The following AGTPBP1 variants were observed in gnomAD, a reference collection of about 807,000 sequenced individuals.
AGTPBP1 encodes the protein ATP/GTP binding carboxypeptidase 1.
A neutral mutation model predicts 143.9 loss-of-function variants in AGTPBP1; 70 were observed. That is an observed-to-expected ratio of 0.49 (90% CI 0.40 to 0.59). The LOEUF is 0.59. Ranked by LOEUF, AGTPBP1 falls within the 20% of genes least tolerant of loss-of-function variation. The pLI, the probability that AGTPBP1 is intolerant of heterozygous loss-of-function variation, is 0.00. For synonymous variants in AGTPBP1, 463 were observed against 500.2 expected, an observed-to-expected ratio of 0.93 and a Z score of 0.99; for missense variants, 1,229 against 1,464.5, an observed-to-expected ratio of 0.84 and a Z score of 2.62.
intron 17 of AGTPBP1, among the ~76,000 whole-genome samples, chr9:85,617,572 T>C (rs962559913): frequency 2.6e-5 from 4 of 152,134 alleles, no homozygotes; most frequent in South Asian, 2.1e-4. Flanking sequence ...CACAAAAACA[T>C]TGAATGAGCC....
At chr9:85,651,774 G>A (rs1833177058) in intron 11 of AGTPBP1, among the ~76,000 whole-genome samples, 1 of 152,172 alleles carries the variant, frequency 6.6e-6, no homozygotes, top group Non-Finnish European at 1.5e-5. Context: ...CTCCATAGAT[G>A]CAGCATTTAA....
At chr9:85,732,268 G>A (rs1355407921) in intron 1 of AGTPBP1, among the ~76,000 whole-genome samples, 5 of 139,530 alleles carry the variant, frequency 3.6e-5, no homozygotes, top group African/African-American at 8.2e-5. Context: ...AGGCTGGAGT[G>A]CAGCGGCGTG....
intron 2 of AGTPBP1, among the ~76,000 whole-genome samples, chr9:85,697,546 G>A (rs1165158515): frequency 4.2e-4 from 56 of 132,310 alleles, no homozygotes; most frequent in Admixed American, 1.7e-3. Flanking sequence ...TCCGCCTCCC[G>A]GGTTCACGCC....
intron 11 of AGTPBP1, among the ~76,000 whole-genome samples, chr9:85,647,788 T>G (rs1832909427): frequency 6.6e-6 from 1 of 152,082 alleles, no homozygotes; most frequent in South Asian, 2.1e-4. Flanking sequence ...AATAAGGAAG[T>G]GAAATGATAT....
the AGTPBP1 span, among the ~76,000 whole-genome samples, chr9:85,748,143 A>G: frequency 6.6e-6 from 1 of 152,088 alleles, no homozygotes; most frequent in African/African-American, 2.4e-5. Flanking sequence ...CACCCACTTC[A>G]CAGCTCTTGA....
At position 85,604,002 on chromosome 9, in the gene AGTPBP1, G is replaced by A. The variant is rs371697471; in HGVS notation, c.2336-7553C>T. On this transcript the variant is annotated intron_variant, in intron 17 of 25. Coordinates refer to ENST00000357081, the MANE Select transcript of AGTPBP1 (RefSeq NM_001330701.2). ...CACCAAGTAGATTCCTAACATTCCC[G>A]ACTCTAGGCCCTGAATGCTGTACAG... is the stretch of plus-strand genomic sequence containing the variant. 3.3e-4 allele frequency among the ~76,000 whole-genome samples: 50 copies of A among 152,320 alleles called. 1 individual carries two copies. The highest frequency in any genetic ancestry group is 9.4e-4 in the African/African-American group (39 of 41,574).
chr9:85,728,320 A>G (rs1838656095), intron 1 of AGTPBP1, among the ~76,000 whole-genome samples: 1 of 152,136 alleles, frequency 6.6e-6, no homozygotes, highest in Non-Finnish European at 1.5e-5. Context: ...TCAGGCTGAG[A>G]ACTTAACTTT....
chr9:85,577,353 G>C (rs144920935), intron 24 of AGTPBP1, among the ~76,000 whole-genome samples: 1 of 152,058 alleles, frequency 6.6e-6, no homozygotes, highest in Non-Finnish European at 1.5e-5. Flanking sequence ...ATAGTCCAAG[G>C]TTTTTTCCTA....
At chr9:85,651,192 C>G (rs1833142096) in intron 11 of AGTPBP1, among the ~76,000 whole-genome samples, 1 of 152,070 alleles carries the variant, frequency 6.6e-6, no homozygotes, top group Admixed American at 6.6e-5. Context: ...AATTTCCTTG[C>G]TTTTACACAG....
intron 2 of AGTPBP1, among the ~76,000 whole-genome samples, chr9:85,694,352 T>C (rs796164873): frequency 1.1e-4 from 16 of 152,242 alleles, no homozygotes; most frequent in African/African-American, 3.9e-4. Context: ...AAGTATGATC[T>C]AGGAGCTCCT....
intron 17 of AGTPBP1, among the ~76,000 whole-genome samples, chr9:85,615,071 C>T (rs183851612): frequency 1.8e-3 from 274 of 152,224 alleles, no homozygotes; most frequent in Non-Finnish European, 2.8e-3. Context: ...CACTTTAAAA[C>T]TCTTTGGAGA....
chr9:85,591,905 C>T (rs1002922418), intron 19 of AGTPBP1, among the ~76,000 whole-genome samples: 2 of 152,140 alleles, frequency 1.3e-5, no homozygotes, highest in East Asian at 3.9e-4. Context: ...AATAAATCTA[C>T]CACAGTCGAT....
chr9:85,670,140 T>A (rs548370576), intron 7 of AGTPBP1, among the ~76,000 whole-genome samples: 9 of 152,270 alleles, frequency 5.9e-5, no homozygotes, highest in Non-Finnish European at 1.2e-4. Context: ...GGGGTAGATG[T>A]GGCTCTGGAC....
chr9:85,566,298 C>T lies in AGTPBP1; in HGVS notation c.3503+9017G>A, dbSNP rs565912546. On this transcript the variant is annotated intron_variant, in intron 25 of 25. Transcript: ENST00000357081. The stretch of plus-strand genomic sequence containing the variant: ...AGTTTGGGAGGCCGAGATGGGAAGA[C>T]TGCTCGAGCCCAGGAGTTCAAAACC... Among the ~76,000 whole-genome samples, 8 of 152,094 alleles carry T rather than the reference C, an allele frequency of 5.3e-5. No individual in the cohort carries two copies. In the South Asian group the frequency reaches 1.7e-3, roughly 32 times the overall value.
chr9:85,565,656 T>C (rs1215670068), intron 25 of AGTPBP1, among the ~76,000 whole-genome samples: 5 of 152,174 alleles, frequency 3.3e-5, no homozygotes, highest in African/African-American at 1.2e-4. Context: ...CACTTGGAAA[T>C]GTGTCTTCCC....
In AGTPBP1 at chr9:85,589,473, G is replaced by T. The variant is rs1476676386; in HGVS notation, c.2722+55C>A. 2.6e-6 allele frequency: 4 copies of T among 1,542,730 alleles called. No individual in the cohort carries two copies. The South Asian group carries it at 5.1e-5, about 20-fold the overall frequency. ...ATTTCCATTATAAAATACGGTTAAA[G>T]CAAATCAAAGTAGGTGAGAATGACT... is the stretch of plus-strand genomic sequence containing the variant. On this transcript the variant is annotated intron_variant, in intron 20 of 25. Coordinates refer to ENST00000357081, the MANE Select transcript of AGTPBP1 (RefSeq NM_001330701.2).
At chr9:85,590,695 G>C (rs1281887088) in intron 19 of AGTPBP1, among the ~76,000 whole-genome samples, 1 of 152,074 alleles carries the variant, frequency 6.6e-6, no homozygotes, top group Non-Finnish European at 1.5e-5. Context: ...AGTGAGGAAA[G>C]GTCTTCTACA....
At chr9:85,576,122 CTCAG>C (rs1280798181) in intron 24 of AGTPBP1, among the ~76,000 whole-genome samples, 1 of 152,064 alleles carries the variant, frequency 6.6e-6, no homozygotes. Flanking sequence ...AAAATAGTTT[CTCAG>C]TAAGTAATAT....
chr9:85,578,993 C>T lies in AGTPBP1; in HGVS notation c.3269G>A (p.Trp1090Ter), dbSNP rs1564026844. ...SKESTARVVV[W>*]REIGVQRSYT... is the part of the protein sequence containing the mutation. ...ACTTCTTTGTACTCCTATTTCCCTC[C>T]AAACTACAACACGTGCTGTGGATTC... Residue 1090 changes from tryptophan to a stop codon, truncating the protein, a stop_gained, in exon 24 of 26, where the codon TGG becomes TAG. Transcript: ENST00000357081. LOFTEE classifies it high-confidence loss of function. 2 of 1,613,014 alleles carry T rather than the reference C, an allele frequency of 1.2e-6. No homozygotes were observed.
Sources: gnomAD v4.1 joint callset for allele counts (sites outside exome capture counted in the v4.1 genomes callset) on GRCh38, gnomAD v4.1.1 for gene constraint, MANE v1.5 for transcripts, NCBI Gene and HGNC (gene_info 2026-07-23, HGNC 2026-07-21) for gene names.